EQTN: variants seen among roughly 807,000 people sequenced by gnomAD.
The protein encoded by EQTN is equatorin.
EQTN carries 29 observed loss-of-function variants against 26.9 expected under a neutral mutation model. The observed-to-expected ratio is 1.08, with a 90% CI of 0.80 to 1.47. The LOEUF is 1.47. EQTN is among the 40% of genes most tolerant of loss of function. The pLI, the probability that EQTN is intolerant of heterozygous loss-of-function variation, is 0.00. For synonymous variants in EQTN, 129 were observed against 120.0 expected, an observed-to-expected ratio of 1.07 and a Z score of -0.49; for missense variants, 391 against 346.1, an observed-to-expected ratio of 1.13 and a Z score of -1.03.
At chr9:27,293,983 T>C (rs1199915076) in intron 3 of EQTN, among the ~76,000 whole-genome samples, 5 of 152,206 alleles carry the variant, frequency 3.3e-5, no homozygotes, top group African/African-American at 1.2e-4. Context: ...ATGTAAATTT[T>C]CCTAGAATCC....
intron 7 of EQTN, 46 bp downstream of exon 7, chr9:27,286,163 G>A (rs376589859): frequency 7.0e-6 from 11 of 1,576,138 alleles, no homozygotes; most frequent in East Asian, 4.5e-5. Context: ...GAGAGAATGC[G>A]ATGTCATGCA....
At position 27,284,922 on chromosome 9, in the gene EQTN, A is replaced by G; in HGVS notation, c.686T>C (p.Met229Thr). Reference protein sequence around the residue: ...QYSVNPELATMSYFHPSEGVS... With the variant: ...QYSVNPELATTSYFHPSEGVS... ...ACCTTCTGATGGATGAAAGTAAGAC[A>G]TCGTGGCCAGCTCTGGGTTGACAGA... The change falls in exon 8 of 8, where the codon ATG becomes ACG. Residue 229 changes from methionine (M) to threonine (T), a missense_variant. Coordinates refer to ENST00000380032, the MANE Select transcript of EQTN (RefSeq NM_020641.3). The G allele has an allele frequency of 6.2e-7, 1 of 1,614,172 alleles. No individual in the cohort carries two copies. The highest frequency in any genetic ancestry group is 8.5e-7 in the Non-Finnish European group (1 of 1,180,006).
intron 2 of EQTN, among the ~76,000 whole-genome samples, chr9:27,295,143 G>T (rs1050182992): frequency 3.3e-5 from 5 of 152,118 alleles, no homozygotes; most frequent in African/African-American, 1.2e-4. Flanking sequence ...GAATGTACAT[G>T]GGAAAAACTG....
At chr9:27,294,071 C>T (rs1012449173) in intron 3 of EQTN, among the ~76,000 whole-genome samples, 2 of 152,210 alleles carry the variant, frequency 1.3e-5, no homozygotes, top group African/African-American at 4.8e-5. Flanking sequence ...ACCTCCCCAG[C>T]TTCTGAAATT....
chr9:27,286,146 GA>G, intron 7 of EQTN, 62 bp downstream of exon 7: 2 of 1,495,932 alleles, frequency 1.3e-6, no homozygotes, highest in East Asian at 4.5e-5. Flanking sequence ...CTACTAAAGA[GA>G]GGAGGGAGAG....
rs1820256124 is a variant in EQTN at position 27,292,465 on chromosome 9, T to C, written c.312A>G (p.Thr104=). ...CTTCTTCAATGGTGGATTTTTCATA[T>C]GTAGTTGCATTGACAGTTTTATCTA... ...LKNDKTVNAT[T]YEKSTIEEET... Residue 104 remains threonine, a synonymous_variant, in exon 4 of 8, where the codon ACA becomes ACG. Coordinates refer to ENST00000380032, the MANE Select transcript of EQTN (RefSeq NM_020641.3). The C allele has an allele frequency of 6.2e-7, 1 of 1,606,592 alleles. No homozygotes were observed. The highest frequency in any genetic ancestry group is 1.7e-4 in the Middle Eastern group (1 of 6,040).
At position 27,297,106 on chromosome 9, in the gene EQTN, T is replaced by C; in HGVS notation, c.-51A>G. 1 of 1,337,824 alleles carries C rather than the reference T, an allele frequency of 7.5e-7. No individual in the cohort carries two copies. The highest frequency in any genetic ancestry group is 1.1e-6 in the Non-Finnish European group (1 of 951,592). 82.9% of individuals were successfully genotyped at this position (1,337,824 alleles called of 1,614,324 possible). A position where few individuals can be genotyped will look rare whatever the true frequency, so the allele number is the denominator to read the frequency against. ...TAATCTAGTGCGTCTACCCAGAGCC[T>C]CCTTTCTGTGGCCCAGCAGGTCCTG... On this transcript the variant is annotated 5_prime_UTR_variant, in exon 1 of 8. Coordinates refer to ENST00000380032, the MANE Select transcript of EQTN (RefSeq NM_020641.3).
rs749529419 is a variant in EQTN, at chr9:27,286,226, G to A, written c.618C>T (p.Tyr206=). The change falls in exon 7 of 8, where the codon TAC becomes TAT. Residue 206 remains tyrosine, a synonymous_variant. Coordinates refer to ENST00000380032, the MANE Select transcript of EQTN (RefSeq NM_020641.3). The part of the protein sequence containing the change: ...VLLAFCSATL[Y]KLRHLSYKSC... ...AGACTTACCTCAGATGCCTCAGTTT[G>A]TACAGTGTAGCACTACAGAATGCCA... The A allele has an allele frequency of 6.2e-7, 1 of 1,614,024 alleles. No homozygotes were observed. The highest frequency in any genetic ancestry group is 2.2e-5 in the East Asian group (1 of 44,884).
At position 27,287,967 on chromosome 9, in the gene EQTN, C is replaced by T. The variant is rs6475984; in HGVS notation, c.482-1605G>A. Among the ~76,000 whole-genome samples, 1,169 of 152,160 alleles carry T rather than the reference C, an allele frequency of 7.7e-3. 15 individuals are homozygous for T. The highest frequency in any genetic ancestry group is 0.027 in the African/African-American group (1,108 of 41,490). On this transcript the variant is annotated intron_variant, in intron 6 of 7. Transcript: ENST00000380032. ...TACAGGTACCCAACACCACGCCTGG[C>T]TAATTTTTTGGTATTTTTAACAGAG...
intron 6 of EQTN, among the ~76,000 whole-genome samples, chr9:27,286,776 T>C (rs1227953280): frequency 6.6e-6 from 1 of 152,214 alleles, no homozygotes; most frequent in Non-Finnish European, 1.5e-5. Context: ...GGGACCAGTC[T>C]TTCAGGAGGT....
At chr9:27,286,393 G>C in intron 6 of EQTN, 31 bp from the exon 7 acceptor site, 1 of 1,559,112 alleles carries the variant, frequency 6.4e-7, no homozygotes, top group Admixed American at 1.9e-5. Flanking sequence ...GTGGAAAATA[G>C]GGTGTTCAGT....
intron 3 of EQTN, among the ~76,000 whole-genome samples, chr9:27,293,080 C>G (rs1304326365): frequency 6.6e-6 from 1 of 152,040 alleles, no homozygotes. Flanking sequence ...AAGTTGATGG[C>G]CATTTCAATT....
rs138418857 is a variant in EQTN, at chr9:27,284,974, T to C, written c.636-2A>G. 7.5e-6 allele frequency: 12 copies of C among 1,607,754 alleles called. No individual in the cohort carries two copies. The highest frequency in any genetic ancestry group is 7.6e-6 in the Non-Finnish European group (9 of 1,177,602). On this transcript the variant is annotated splice_acceptor_variant, in intron 7 of 7. Coordinates refer to ENST00000380032, the MANE Select transcript of EQTN (RefSeq NM_020641.3). LOFTEE classifies it high-confidence loss of function. ...TACTGACTCTCACAACTTTTATAAC[T>C]GAAGAAGAAAAGAACATATATCAAG...
chr9:27,285,367 T>C (rs1820099467), intron 7 of EQTN, among the ~76,000 whole-genome samples: 1 of 151,946 alleles, frequency 6.6e-6, no homozygotes, highest in Admixed American at 6.6e-5. Flanking sequence ...TGGTCTTGAT[T>C]TCTTGACCTC....
At chr9:27,287,881 G>A (rs1444255108) in intron 6 of EQTN, among the ~76,000 whole-genome samples, 2 of 152,140 alleles carry the variant, frequency 1.3e-5, no homozygotes, top group East Asian at 3.9e-4. Context: ...TTAGCTCACT[G>A]CAACCTCTGC....
Position 27,284,782 on chromosome 9 carries a change from T to C in EQTN, c.826A>G (p.Ile276Val). 2 of 1,614,158 alleles carry C rather than the reference T, an allele frequency of 1.2e-6. No homozygotes were observed. Among genetic ancestry groups the C allele is most frequent in the Non-Finnish European group, 1.7e-6 (2 of 1,180,008 alleles). Residue 276 changes from isoleucine (I) to valine (V), a missense_variant, in exon 8 of 8, where the codon ATC becomes GTC. Physicochemically the swap from Ile to Val is conservative, Grantham distance 29. Transcript: ENST00000380032. ...TCATTATCTGAGCCTATGGAAATGA[T>C]ATCCGTCATTATCTTAGATTCTGAT... ...RTSESKIMTD[I>V]ISIGSDNEMH... is the part of the protein sequence containing the mutation.
rs181530883 is a variant in EQTN at position 27,285,230 on chromosome 9, G to T, written c.636-258C>A. Among the ~76,000 whole-genome samples the T allele has an allele frequency of 2.4e-3, 293 of 123,098 alleles. 1 individual carries two copies. The highest frequency in any genetic ancestry group is 8.1e-3 in the African/African-American group (262 of 32,316). 80.8% of individuals were successfully genotyped at this position (123,098 alleles called of 152,430 possible). A position where few individuals can be genotyped will look rare whatever the true frequency, so the allele number is the denominator to read the frequency against. On this transcript the variant is annotated intron_variant, in intron 7 of 7. Coordinates refer to ENST00000380032, the MANE Select transcript of EQTN (RefSeq NM_020641.3). ...GCAATCTCGGCTCACTGCAACCTCC[G>T]CCTCCCAGGGGCACGCGATTCTCCT...
rs1206763407 is a variant in EQTN, at chr9:27,286,266, A to T, written c.578T>A (p.Leu193His). 2 of 1,613,832 alleles carry T rather than the reference A, an allele frequency of 1.2e-6. No individual in the cohort carries two copies. Among genetic ancestry groups the T allele is most frequent in the Admixed American group, 1.7e-5 (1 of 59,964 alleles). The change falls in exon 7 of 8, where the codon CTC becomes CAC. Residue 193 changes from leucine to histidine, a missense_variant. By Grantham distance (99) the Leu-to-His change is moderately conservative (BLOSUM62 -3). Transcript: ENST00000380032. ...MLGISLMTLL[L>H]FVVLLAFCSA... ...ACAGAATGCCAAGAGGACCACAAAGAGGAGGAGGGTCATCAACGAGATTCC... is the reference window on the plus strand; with the variant it reads ...ACAGAATGCCAAGAGGACCACAAAGTGGAGGAGGGTCATCAACGAGATTCC...
chr9:27,291,200 T>C (rs1820228972), intron 4 of EQTN, 137 bp from the exon 5 acceptor site: 4 of 626,514 alleles, frequency 6.4e-6, no homozygotes, highest in Non-Finnish European at 1.0e-5. Context: ...AGACCTGTGG[T>C]TGGCACTAAC....
Sources: gnomAD v4.1 joint callset for allele counts (sites outside exome capture counted in the v4.1 genomes callset) on GRCh38, gnomAD v4.1.1 for gene constraint, MANE v1.5 for transcripts, NCBI Gene and HGNC (gene_info 2026-07-23, HGNC 2026-07-21) for gene names.